METTL22: variants seen among roughly 807,000 people sequenced by gnomAD.
METTL22 encodes methyltransferase-like protein 22.
In METTL22, 51 loss-of-function variants were observed where a neutral mutation model predicts 48.4. The ratio of observed to expected loss-of-function variants is 1.05; its 90% CI spans 0.84 to 1.33. The LOEUF (loss-of-function observed/expected upper bound fraction) is 1.33, where lower values mean the gene tolerates loss of function less well. Among genes scored for constraint, METTL22 ranks in the 40% most tolerant of loss-of-function variants. METTL22 has a pLI of 0.00. For synonymous variants in METTL22, 255 were observed against 214.1 expected, an observed-to-expected ratio of 1.19 and a Z score of -1.67; for missense variants, 678 against 526.9, an observed-to-expected ratio of 1.29 and a Z score of -2.81.
chr16:8,638,251 TCCCGTACATG>T (rs1296398673), intron 5 of METTL22, among the ~76,000 whole-genome samples: 5 of 152,116 alleles, frequency 3.3e-5, no homozygotes, highest in African/African-American at 1.2e-4. Context: ...AGGGAGCTCC[TCCCGTACATG>T]GCTCTGTGTG....
chr16:8,645,882 T>C (rs2056770644), intron 10 of METTL22: 2 of 1,101,576 alleles, frequency 1.8e-6, no homozygotes, highest in Non-Finnish European at 2.2e-6. Context: ...GCACCTTCCG[T>C]TAATGCTGGG....
At chr16:8,661,474 G>A in the METTL22 span, among the ~76,000 whole-genome samples, 8 of 143,368 alleles carry the variant, frequency 5.6e-5, no homozygotes, top group African/African-American at 1.8e-4. Flanking sequence ...GTGAAACCCC[G>A]TCTCTACTAA....
intron 7 of METTL22, 171 bp downstream of exon 7, chr16:8,641,355 T>G (rs1629322): frequency 2.8e-6 from 2 of 716,326 alleles, no homozygotes; most frequent in Admixed American, 4.0e-5. Context: ...TGTCATTCTC[T>G]GAGCGCCTGC....
At chr16:8,637,057 T>A (rs1468592693) in intron 5 of METTL22, among the ~76,000 whole-genome samples, 1 of 152,214 alleles carries the variant, frequency 6.6e-6, no homozygotes, top group Non-Finnish European at 1.5e-5. Flanking sequence ...TATACCTGTT[T>A]ACAAGAGAGT....
chr16:8,650,724 C>T (rs2056882111), downstream of METTL22, among the ~76,000 whole-genome samples: 1 of 152,136 alleles, frequency 6.6e-6, no homozygotes, highest in African/African-American at 2.4e-5. Context: ...TGCAAAATTT[C>T]ATTTATCAAT....
chr16:8,630,374 G>A (rs1205324939), intron 3 of METTL22, among the ~76,000 whole-genome samples: 1 of 152,188 alleles, frequency 6.6e-6, no homozygotes, highest in African/African-American at 2.4e-5. Context: ...CAGAGGAAGA[G>A]ACTGAGGCTC....
At chr16:8,638,482 T>C (rs1360579454) in intron 5 of METTL22, among the ~76,000 whole-genome samples, 1 of 152,186 alleles carries the variant, frequency 6.6e-6, no homozygotes, top group Non-Finnish European at 1.5e-5. Flanking sequence ...ATCCCACTTG[T>C]CAGAGTAGCA....
chr16:8,630,290 C>G (rs2056213004), intron 3 of METTL22, among the ~76,000 whole-genome samples: 1 of 152,224 alleles, frequency 6.6e-6, no homozygotes, highest in South Asian at 2.1e-4. Flanking sequence ...CATACCAGAA[C>G]CCAGTTCCAT....
downstream of METTL22, among the ~76,000 whole-genome samples, chr16:8,650,725 A>G (rs767237584): frequency 6.6e-6 from 1 of 152,196 alleles, no homozygotes; most frequent in Non-Finnish European, 1.5e-5. Flanking sequence ...GCAAAATTTC[A>G]TTTATCAATA....
chr16:8,631,621 ACTGG>A (rs1299800784), intron 3 of METTL22: 3 of 152,210 alleles, frequency 2.0e-5, no homozygotes, highest in Non-Finnish European at 4.4e-5. Context: ...GAGGAGGGAG[ACTGG>A]CTGACGAACA....
the METTL22 span, among the ~76,000 whole-genome samples, chr16:8,656,433 C>A: frequency 2.0e-5 from 3 of 152,202 alleles, no homozygotes; most frequent in Admixed American, 6.5e-5. Context: ...ACCAACTGCA[C>A]AACTAACTAT....
chr16:8,644,632 G>A lies in METTL22; in HGVS notation c.1086G>A (p.Leu362=). 1 of 1,606,796 alleles carries A rather than the reference G, an allele frequency of 6.2e-7. No individual in the cohort carries two copies. ...YDHFRSCLHA[L]EQLADGKLRF... is the part of the protein sequence containing the mutation. ...ACTTCCGCTCCTGCCTGCACGCGCTGGAGCAGCTCGCAGATGGCAAGCTGC... is the reference window on the plus strand; with the variant it reads ...ACTTCCGCTCCTGCCTGCACGCGCTAGAGCAGCTCGCAGATGGCAAGCTGC... Residue 362 remains leucine (L), a synonymous_variant, in exon 10 of 11, where the codon CTG becomes CTA. Coordinates refer to ENST00000381920, the MANE Select transcript of METTL22 (RefSeq NM_024109.4).
At chr16:8,623,480 G>C (rs2055932380) in intron 1 of METTL22, 1 of 152,162 alleles carries the variant, frequency 6.6e-6, no homozygotes, top group African/African-American at 2.4e-5. Flanking sequence ...GAGAGAGCTT[G>C]ATCTGCCTTT....
rs756936233 is a variant in METTL22, at chr16:8,642,118, C to T, written c.827-9C>T. The stretch of plus-strand genomic sequence containing the variant: ...AATGGGCACAAAGTGTGCTTTTGTT[C>T]TTTCTTAGATCCCAAGGTCCCCTTC... On this transcript the variant is annotated splice_polypyrimidine_tract_variant and intron_variant, in intron 7 of 10. Coordinates refer to ENST00000381920, the MANE Select transcript of METTL22 (RefSeq NM_024109.4). 2.5e-6 allele frequency: 4 copies of T among 1,609,292 alleles called. No homozygotes were observed. Among genetic ancestry groups the T allele is most frequent in the South Asian group, 2.2e-5 (2 of 90,994 alleles).
the METTL22 span, among the ~76,000 whole-genome samples, chr16:8,655,340 A>G: frequency 2.0e-5 from 3 of 152,142 alleles, no homozygotes; most frequent in African/African-American, 4.8e-5. Flanking sequence ...CTCACCTGCT[A>G]TGGGTCTAAG....
At chr16:8,641,054 A>T in intron 6 of METTL22, 77 bp from the exon 7 acceptor site, 1 of 1,355,958 alleles carries the variant, frequency 7.4e-7, no homozygotes, top group Non-Finnish European at 1.0e-6. Flanking sequence ...GGATCTTCAT[A>T]TATAGTGTAA....
intron 1 of METTL22, among the ~76,000 whole-genome samples, chr16:8,625,241 T>G (rs1280865998): frequency 6.6e-6 from 1 of 152,022 alleles, no homozygotes; most frequent in Non-Finnish European, 1.5e-5. Context: ...GGCAGGCACG[T>G]GTGGCAAAAT....
chr16:8,659,647 G>T, the METTL22 span, among the ~76,000 whole-genome samples: 1 of 152,064 alleles, frequency 6.6e-6, no homozygotes, highest in East Asian at 1.9e-4. Flanking sequence ...GAGGCAAAAA[G>T]GTGACTGCAT....
chr16:8,636,337 A>G (rs149283315), intron 5 of METTL22, among the ~76,000 whole-genome samples: 2 of 152,204 alleles, frequency 1.3e-5, no homozygotes, highest in African/African-American at 4.8e-5. Context: ...GAGTTTGAGA[A>G]CAGCCAGGCC....
Sources: gnomAD v4.1 joint callset for allele counts (sites outside exome capture counted in the v4.1 genomes callset) on GRCh38, gnomAD v4.1.1 for gene constraint, MANE v1.5 for transcripts, NCBI Gene and HGNC (gene_info 2026-07-23, HGNC 2026-07-21) for gene names.